LARP1B: variants seen among roughly 807,000 people sequenced by gnomAD.
LARP1B encodes La ribonucleoprotein 1B, also known as la-related protein 1B.
LARP1B carries 76 observed loss-of-function variants against 114.2 expected under a neutral mutation model. That is an observed-to-expected ratio of 0.67 (90% CI 0.55 to 0.81). LARP1B has a LOEUF of 0.81. LARP1B is among the 30% of genes least tolerant of loss of function. LARP1B has a pLI of 0.00. For missense variants in LARP1B, 1,014 were observed against 1,075.8 expected, an observed-to-expected ratio of 0.94 and a Z score of 0.80; for synonymous variants, 345 against 348.0, an observed-to-expected ratio of 0.99 and a Z score of 0.10.
chr4:128,193,228 CACAT>C (rs1334242550), intron 15 of LARP1B, among the ~76,000 whole-genome samples: 3 of 152,186 alleles, frequency 2.0e-5, no homozygotes, highest in African/African-American at 4.8e-5. Context: ...TGTGCATACA[CACAT>C]ACACACATAT....
intron 17 of LARP1B, among the ~76,000 whole-genome samples, chr4:128,205,401 C>T (rs1757294992): frequency 6.6e-6 from 1 of 152,298 alleles, no homozygotes; most frequent in East Asian, 1.9e-4. Flanking sequence ...TGCCATCTTA[C>T]AGCCTTGTTT....
At chr4:128,172,354 A>C (rs1305021524) in intron 12 of LARP1B, among the ~76,000 whole-genome samples, 1 of 152,156 alleles carries the variant, frequency 6.6e-6, no homozygotes, top group African/African-American at 2.4e-5. Flanking sequence ...TTTTAATCAA[A>C]TTTGGAAAGT....
chr4:128,152,669 T>A (rs1292225374), intron 11 of LARP1B, among the ~76,000 whole-genome samples: 1 of 151,902 alleles, frequency 6.6e-6, no homozygotes, highest in Non-Finnish European at 1.5e-5. Context: ...TTCATTTTTT[T>A]ATTTTTATAT....
intron 15 of LARP1B, among the ~76,000 whole-genome samples, chr4:128,197,330 A>C (rs1054826368): frequency 2.0e-5 from 3 of 152,236 alleles, no homozygotes; most frequent in African/African-American, 7.2e-5. Context: ...GATTTCCAAA[A>C]TTTTCATTTT....
intron 11 of LARP1B, among the ~76,000 whole-genome samples, chr4:128,138,915 C>G (rs761541789): frequency 2.0e-5 from 3 of 152,178 alleles, no homozygotes; most frequent in Non-Finnish European, 2.9e-5. Context: ...GATCATGCCA[C>G]TTCACTCCAG....
chr4:128,187,087 G>A (rs867558072), intron 15 of LARP1B, among the ~76,000 whole-genome samples: 1 of 152,240 alleles, frequency 6.6e-6, no homozygotes, highest in African/African-American at 2.4e-5. Context: ...CCCTCATGGA[G>A]AACCTCTACA....
At chr4:128,149,316 G>A (rs1441688196) in intron 11 of LARP1B, among the ~76,000 whole-genome samples, 1 of 152,186 alleles carries the variant, frequency 6.6e-6, no homozygotes, top group African/African-American at 2.4e-5. Context: ...AGAATAAAGA[G>A]CAATTGCAGT....
intron 6 of LARP1B, among the ~76,000 whole-genome samples, chr4:128,219,828 TAAA>T (rs1340612264): frequency 1.3e-5 from 2 of 150,316 alleles, no homozygotes; most frequent in Non-Finnish European, 2.9e-5. Context: ...AATAAATAAA[TAAA>T]TGGAATTAGG....
intron 3 of LARP1B, among the ~76,000 whole-genome samples, chr4:128,075,505 C>T (rs1314823504): frequency 6.6e-6 from 1 of 151,866 alleles, no homozygotes; most frequent in East Asian, 1.9e-4. Flanking sequence ...AAGCTTTACT[C>T]ATGGGAAGCT....
intron 11 of LARP1B, among the ~76,000 whole-genome samples, chr4:128,129,778 A>G (rs1000330607): frequency 6.6e-6 from 1 of 152,194 alleles, no homozygotes; most frequent in African/African-American, 2.4e-5. Flanking sequence ...ACAATAGAGA[A>G]AAGTCTTTTC....
chr4:128,205,312 G>A (rs920768035), intron 17 of LARP1B, among the ~76,000 whole-genome samples: 1 of 152,212 alleles, frequency 6.6e-6, no homozygotes, highest in Non-Finnish European at 1.5e-5. Context: ...GAGGTACCCA[G>A]AATGACTTAG....
At chr4:128,108,955 A>G (rs1395284085) in intron 9 of LARP1B, 2 of 419,480 alleles carry the variant, frequency 4.8e-6, no homozygotes, top group African/African-American at 4.3e-5. Context: ...ATGCACATAC[A>G]TATTGTCTGA....
At chr4:128,203,197 A>C (rs1256563191) in intron 17 of LARP1B, among the ~76,000 whole-genome samples, 1 of 152,098 alleles carries the variant, frequency 6.6e-6, no homozygotes, top group African/African-American at 2.4e-5. Flanking sequence ...GTCTCAACAA[A>C]AAAAAAGGTT....
intron 14 of LARP1B, among the ~76,000 whole-genome samples, chr4:128,178,861 G>A (rs575552123): frequency 7.2e-5 from 11 of 152,260 alleles, no homozygotes; most frequent in African/African-American, 2.6e-4. Context: ...GGGAGACCGA[G>A]GCAGGTGGAT....
At chr4:128,079,323 G>A (rs2149433377) in intron 4 of LARP1B, among the ~76,000 whole-genome samples, 1 of 152,088 alleles carries the variant, frequency 6.6e-6, no homozygotes, top group Admixed American at 6.6e-5. Context: ...TTGAAATCCT[G>A]AGCTCAGGCG....
intron 11 of LARP1B, among the ~76,000 whole-genome samples, chr4:128,126,413 A>G (rs530064985): frequency 2.6e-5 from 4 of 152,288 alleles, no homozygotes; most frequent in Admixed American, 1.3e-4. Flanking sequence ...GTGAGCCACC[A>G]TGCCTGGCCC....
chr4:128,088,768 T>G (rs1483214262), intron 5 of LARP1B, among the ~76,000 whole-genome samples: 1 of 152,132 alleles, frequency 6.6e-6, no homozygotes, highest in African/African-American at 2.4e-5. Context: ...TACTTGTATG[T>G]AAAATAAATA....
chr4:128,180,580 T>C (rs1003151968), intron 15 of LARP1B, among the ~76,000 whole-genome samples: 1 of 152,238 alleles, frequency 6.6e-6, no homozygotes, highest in Non-Finnish European at 1.5e-5. Flanking sequence ...TCAGTTTTTT[T>C]CCCCAGAGTA....
intron 8 of LARP1B, among the ~76,000 whole-genome samples, chr4:128,103,349 T>C (rs1780932877): frequency 6.6e-6 from 1 of 152,084 alleles, no homozygotes; most frequent in Non-Finnish European, 1.5e-5. Context: ...CTCAAAAGGG[T>C]ATATGGTTAT....
Sources: gnomAD v4.1 joint callset for allele counts (sites outside exome capture counted in the v4.1 genomes callset) on GRCh38, gnomAD v4.1.1 for gene constraint, MANE v1.5 for transcripts, NCBI Gene and HGNC (gene_info 2026-07-23, HGNC 2026-07-21) for gene names.